The following DNAH3 variants were observed in gnomAD, a reference collection of about 807,000 sequenced individuals.
DNAH3 encodes dynein axonemal heavy chain 3.
In DNAH3, 332 loss-of-function variants were observed where a neutral mutation model predicts 432.5. The observed-to-expected ratio is 0.77, with a 90% CI of 0.70 to 0.84. DNAH3 has a LOEUF of 0.84. DNAH3 is among the 40% of genes least tolerant of loss of function. The pLI is 0.00. For missense variants in DNAH3, 4,861 were observed against 5,114.0 expected (o/e 0.95, Z 1.51); for synonymous variants, 1,956 against 1,900.2 (o/e 1.03, Z -0.76).
chr16:21,113,655 T>C (rs2152805719), intron 12 of DNAH3, among the ~76,000 whole-genome samples: 1 of 152,238 alleles, frequency 6.6e-6, no homozygotes, highest in South Asian at 2.1e-4. Context: ...GACAGAATTT[T>C]GTCATGTTGG....
intron 6 of DNAH3, among the ~76,000 whole-genome samples, 182 bp downstream of exon 7, chr16:21,136,142 G>A (rs981618464): frequency 5.3e-5 from 8 of 152,080 alleles, no homozygotes; most frequent in African/African-American, 1.9e-4. Context: ...GGCCAGGCAT[G>A]GTGCCTCATG....
chr16:21,126,702 G>A (rs1286563052), intron 8 of DNAH3, among the ~76,000 whole-genome samples: 1 of 152,166 alleles, frequency 6.6e-6, no homozygotes, highest in Admixed American at 6.5e-5. Context: ...AGCAGCAGGT[G>A]GGCGAGCCAG....
chr16:20,945,056 T>C lies in DNAH3; in HGVS notation c.11344-393A>G, dbSNP rs1596888090. Among the ~76,000 whole-genome samples the C allele has an allele frequency of 3.9e-5, 6 of 152,212 alleles. 2 individuals are homozygous for C. The South Asian group carries it at 1.2e-3, about 32-fold the overall frequency. On this transcript the variant is annotated intron_variant, in intron 57 of 61. Transcript: ENST00000261383. ...GGCTGACACCTAGTGGGCTGCATTC[T>C]TAGGAGGTGAGGGCATTCTAAGTCA...
intron 7 of DNAH3, among the ~76,000 whole-genome samples, chr16:21,130,275 T>C (rs564382131): frequency 6.6e-6 from 1 of 150,822 alleles, no homozygotes; most frequent in African/African-American, 2.4e-5. Context: ...GAGCGGAAAC[T>C]AATAAAAAGC....
intron 25 of DNAH3, among the ~76,000 whole-genome samples, chr16:21,062,181 G>A (rs1010325393): frequency 5.9e-5 from 9 of 152,134 alleles, no homozygotes; most frequent in Non-Finnish European, 1.3e-4. Flanking sequence ...CTCTGCACAT[G>A]GAAATCTAAA....
intron 61 of DNAH3, among the ~76,000 whole-genome samples, chr16:20,934,060 G>A (rs1202534023): frequency 6.6e-6 from 1 of 152,086 alleles, no homozygotes; most frequent in Non-Finnish European, 1.5e-5. Context: ...AGATTCAGAG[G>A]TGGTAAACTC....
At chr16:20,988,305 G>A (rs1193586705) in intron 44 of DNAH3, among the ~76,000 whole-genome samples, 1 of 152,250 alleles carries the variant, frequency 6.6e-6, no homozygotes, top group East Asian at 1.9e-4. Flanking sequence ...AGAGCCACAT[G>A]TGGCTAGTGG....
intron 4 of DNAH3, 151 bp downstream of exon 5, chr16:21,141,149 A>AAT: frequency 9.7e-5 from 54 of 558,166 alleles, no homozygotes; most frequent in East Asian, 2.2e-4. Flanking sequence ...AAAAAAAAAA[A>AAT]TTTTTTTTTT....
intron 31 of DNAH3, among the ~76,000 whole-genome samples, chr16:21,048,720 AAC>A (rs1430449944): frequency 6.7e-6 from 1 of 150,114 alleles, no homozygotes; most frequent in Non-Finnish European, 1.5e-5. Context: ...TTTTTTTTTA[AAC>A]AGAGTTTCAC....
At chr16:21,151,984 C>T (rs2092857498) in intron 1 of DNAH3, among the ~76,000 whole-genome samples, 1 of 152,036 alleles carries the variant, frequency 6.6e-6, no homozygotes, top group African/African-American at 2.4e-5. Flanking sequence ...CCTGTAATCC[C>T]AGCACTCTGA....
intron 31 of DNAH3, among the ~76,000 whole-genome samples, chr16:21,046,193 G>A (rs1366616151): frequency 3.7e-5 from 5 of 134,116 alleles, no homozygotes; most frequent in African/African-American, 8.6e-5. Context: ...TATTAGGTCC[G>A]CTTGGTGCAG....
At chr16:21,134,134 GA>G (rs1183731363) in intron 7 of DNAH3, 124 bp downstream of exon 8, 1 of 978,480 alleles carries the variant, frequency 1.0e-6, no homozygotes, top group Non-Finnish European at 1.5e-6. Flanking sequence ...ATTTGGCCTA[GA>G]TTTTTTTTTC....
intron 1 of DNAH3, 90 bp downstream of exon 1, chr16:21,150,661 C>G (rs1210562135): frequency 1.1e-5 from 2 of 183,824 alleles, no homozygotes; most frequent in Admixed American, 1.1e-4. Context: ...GTGCTTCTCT[C>G]TTGGAAATTT....
chr16:21,117,129 T>C lies in DNAH3; in HGVS notation c.1814+74A>G, dbSNP rs1248445242. 6.1e-6 allele frequency: 6 copies of C among 981,862 alleles called. No homozygotes were observed. The East Asian group carries it at 1.4e-4, about 24-fold the overall frequency. The allele number at this position is 981,862 out of a possible 1,614,324, so 60.8% of individuals were successfully genotyped here. A position where few individuals can be genotyped will look rare whatever the true frequency, so the allele number is the denominator to read the frequency against. On this transcript the variant is annotated intron_variant, in intron 12 of 61. Transcript: ENST00000261383. ...CAGGTGTTTGGGAACAGGAATACCT[T>C]ATTGGATGAGAGTTAAGAACACCAA... is the stretch of plus-strand genomic sequence containing the variant.
At chr16:21,050,101 C>T (rs1347563021) in intron 29 of DNAH3, 83 bp from the exon 30 acceptor site, 9 of 1,037,772 alleles carry the variant, frequency 8.7e-6, no homozygotes, top group Non-Finnish European at 1.3e-5. Context: ...TTGACTCATA[C>T]AAATATTTAG....
intron 1 of DNAH3, chr16:21,158,543 G>A (rs2092916320): frequency 6.6e-6 from 1 of 152,524 alleles, no homozygotes; most frequent in Non-Finnish European, 1.5e-5. Context: ...CCGGGCCTTG[G>A]CGCGCCTTTG....
chr16:21,024,292 G>A (rs1310592443), intron 39 of DNAH3, among the ~76,000 whole-genome samples: 1 of 152,142 alleles, frequency 6.6e-6, no homozygotes, highest in Non-Finnish European at 1.5e-5. Context: ...GAAGAAAGAG[G>A]TGACATTTCA....
At chr16:21,118,633 GCTCT>G (rs1055370662) in intron 11 of DNAH3, among the ~76,000 whole-genome samples, 13 of 152,160 alleles carry the variant, frequency 8.5e-5, no homozygotes, top group African/African-American at 3.1e-4. Flanking sequence ...ACAGACAGGG[GCTCT>G]CTCTATGTTG....
intron 38 of DNAH3, among the ~76,000 whole-genome samples, chr16:21,026,490 C>A (rs1037817574): frequency 8.6e-5 from 13 of 151,898 alleles, no homozygotes; most frequent in African/African-American, 3.1e-4. Context: ...ATCACGATGT[C>A]AGGAGTTTGA....
Sources: gnomAD v4.1 joint callset for allele counts (sites outside exome capture counted in the v4.1 genomes callset) on GRCh38, gnomAD v4.1.1 for gene constraint, MANE v1.5 for transcripts, NCBI Gene and HGNC (gene_info 2026-07-23, HGNC 2026-07-21) for gene names.